CNTNAP5: variants seen among roughly 807,000 people sequenced by gnomAD.
CNTNAP5 encodes contactin associated protein family member 5.
In CNTNAP5, 72 loss-of-function variants were observed where a neutral mutation model predicts 150.2. The ratio of observed to expected loss-of-function variants is 0.48; its 90% CI spans 0.40 to 0.58. The LOEUF is 0.58. CNTNAP5 is among the 20% of genes least tolerant of loss of function. The probability of loss-of-function intolerance (pLI) is 0.00; values close to 1 mark genes in which losing one functional copy is unlikely to be tolerated. For synonymous variants in CNTNAP5, 672 were observed against 619.8 expected (o/e 1.08, Z -1.25); for missense variants, 1,636 against 1,626.2 (o/e 1.01, Z -0.10).
intron 1 of CNTNAP5, among the ~76,000 whole-genome samples, chr2:124,176,265 T>A (rs1335575728): frequency 6.6e-6 from 1 of 152,172 alleles, no homozygotes; most frequent in Non-Finnish European, 1.5e-5. Flanking sequence ...CTATTTCACA[T>A]CTCATTCTGG....
chr2:124,482,177 G>A (rs528784844), intron 7 of CNTNAP5, among the ~76,000 whole-genome samples: 1 of 152,216 alleles, frequency 6.6e-6, no homozygotes, highest in South Asian at 2.1e-4. Flanking sequence ...TCCCCCATTC[G>A]AAGATCCTGT....
chr2:124,150,100 A>G (rs1684368953), intron 1 of CNTNAP5, among the ~76,000 whole-genome samples: 1 of 152,246 alleles, frequency 6.6e-6, no homozygotes, highest in Non-Finnish European at 1.5e-5. Context: ...AAGTAAAGGG[A>G]TGAAATCCTA....
intron 15 of CNTNAP5, 49 bp downstream of exon 15, chr2:124,763,848 A>C: frequency 6.2e-7 from 1 of 1,610,846 alleles, no homozygotes; most frequent in Middle Eastern, 1.7e-4. Flanking sequence ...CATGAGCACA[A>C]GATGTTCTTA....
intron 3 of CNTNAP5, among the ~76,000 whole-genome samples, chr2:124,246,935 G>A (rs6747047): frequency 0.014 from 2,108 of 152,126 alleles, 55 homozygotes; most frequent in African/African-American, 0.048. Flanking sequence ...TATTATAGAC[G>A]CTTTTGGCCT....
chr2:124,418,398 T>C (rs779796001), intron 4 of CNTNAP5, among the ~76,000 whole-genome samples: 10 of 152,316 alleles, frequency 6.6e-5, no homozygotes, highest in Non-Finnish European at 1.3e-4. Flanking sequence ...ATGTCTGTAC[T>C]GTTTTCCATA....
chr2:124,641,740 A>G (rs1678098717), intron 12 of CNTNAP5, among the ~76,000 whole-genome samples: 1 of 152,182 alleles, frequency 6.6e-6, no homozygotes, highest in African/African-American at 2.4e-5. Flanking sequence ...CTCCCCACAG[A>G]TATTTCAGTT....
At chr2:124,181,160 A>AT (rs34004664) in intron 1 of CNTNAP5, among the ~76,000 whole-genome samples, 29,846 of 152,074 alleles carry the variant, frequency 0.2, 3,062 homozygotes, top group Non-Finnish European at 0.22. Context: ...CTAAATATTA[A>AT]TTTTATAGTT....
At position 124,264,218 on chromosome 2, in the gene CNTNAP5, G is replaced by A. The variant is rs190533213; in HGVS notation, c.381+21825G>A. 5.6e-4 allele frequency among the ~76,000 whole-genome samples: 86 copies of A among 152,274 alleles called. 1 individual carries two copies. The highest frequency in any genetic ancestry group is 9.3e-4 in the Non-Finnish European group (63 of 68,014). ...ACTTCTGAGTTGATTCACAAAGTGA[G>A]TTCATTTTAACCTTGTAAATGTTTG... On this transcript the variant is annotated intron_variant, in intron 3 of 23. Transcript: ENST00000682447.
At chr2:124,071,872 G>A (rs1682313735) in intron 1 of CNTNAP5, among the ~76,000 whole-genome samples, 1 of 151,656 alleles carries the variant, frequency 6.6e-6, no homozygotes, top group Non-Finnish European at 1.5e-5. Flanking sequence ...AATTCTAAGA[G>A]GCCAATTTAT....
chr2:124,507,199 C>T (rs1284388447), intron 8 of CNTNAP5, among the ~76,000 whole-genome samples: 2 of 152,106 alleles, frequency 1.3e-5, no homozygotes, highest in Admixed American at 1.3e-4. Flanking sequence ...TGGCTCACAC[C>T]TGTAATCCTA....
In CNTNAP5 at chr2:124,919,768, A is replaced by AT. The variant is rs1307099950; in HGVS notation, c.*5488dup. On this transcript the variant is annotated 3_prime_UTR_variant, in exon 24 of 24. Transcript: ENST00000682447. ...CACATTCTTTTTTTTCAATTTTTAAATTTTTTTTCAGGATTTTCTCAGAGT... is the reference window on the plus strand; with the variant it reads ...CACATTCTTTTTTTTCAATTTTTAAATTTTTTTTTCAGGATTTTCTCAGAGT... Among the ~76,000 whole-genome samples the AT allele has an allele frequency of 6.6e-6, 1 of 151,416 alleles. No homozygotes were observed. Among genetic ancestry groups the AT allele is most frequent in the African/African-American group, 2.4e-5 (1 of 41,200 alleles).
intron 3 of CNTNAP5, among the ~76,000 whole-genome samples, chr2:124,262,620 G>C (rs1687486651): frequency 6.6e-6 from 1 of 151,098 alleles, no homozygotes; most frequent in Non-Finnish European, 1.5e-5. Context: ...TTTGGGTGGA[G>C]GACAAAATAG....
At chr2:124,280,441 A>T (rs1219270890) in intron 3 of CNTNAP5, among the ~76,000 whole-genome samples, 1 of 152,136 alleles carries the variant, frequency 6.6e-6, no homozygotes, top group East Asian at 1.9e-4. Flanking sequence ...AAGTGCTGGG[A>T]TTACAGTCAT....
intron 13 of CNTNAP5, among the ~76,000 whole-genome samples, chr2:124,653,459 G>A (rs1352946335): frequency 1.3e-5 from 2 of 151,304 alleles, no homozygotes; most frequent in Non-Finnish European, 1.5e-5. Context: ...AATATATGAT[G>A]TATATACTAT....
intron 4 of CNTNAP5, among the ~76,000 whole-genome samples, chr2:124,423,575 T>C (rs375818998): frequency 1.6e-4 from 24 of 150,064 alleles, no homozygotes; most frequent in African/African-American, 5.1e-4. Flanking sequence ...CTCGATCTCC[T>C]GACCTCGTGA....
chr2:124,115,076 T>G (rs969389689), intron 1 of CNTNAP5, among the ~76,000 whole-genome samples: 1 of 152,076 alleles, frequency 6.6e-6, no homozygotes, highest in Non-Finnish European at 1.5e-5. Context: ...TAGCATATTA[T>G]TATGTCATGA....
chr2:124,401,266 C>T (rs1241718501), intron 3 of CNTNAP5, among the ~76,000 whole-genome samples: 1 of 152,178 alleles, frequency 6.6e-6, no homozygotes, highest in Non-Finnish European at 1.5e-5. Flanking sequence ...ATATACATGC[C>T]GTCAATTACT....
intron 19 of CNTNAP5, 44 bp from the exon 20 acceptor site, chr2:124,865,262 T>C: frequency 1.3e-6 from 2 of 1,492,546 alleles, no homozygotes; most frequent in Middle Eastern, 1.7e-4. Context: ...TTGCATTTTA[T>C]AGGTGCTGCT....
At chr2:124,901,659 C>T (rs1377239960) in intron 21 of CNTNAP5, among the ~76,000 whole-genome samples, 2 of 152,172 alleles carry the variant, frequency 1.3e-5, no homozygotes. Context: ...CAAGATAGCA[C>T]ACTTGTGTTT....
Sources: allele counts gnomAD v4.1 joint callset (sites outside exome capture counted in the v4.1 genomes callset), GRCh38; gene constraint gnomAD v4.1.1; transcripts MANE v1.5; gene names NCBI Gene and HGNC (gene_info 2026-07-23, HGNC 2026-07-21).